ATP6V1B1: variants seen among roughly 807,000 people sequenced by gnomAD.
The protein encoded by ATP6V1B1 is ATPase H+ transporting V1 subunit B1.
Under a neutral mutation model 62.1 loss-of-function variants are expected in ATP6V1B1, and 41 were observed. The observed-to-expected ratio is 0.66, with a 90% confidence interval of 0.51 to 0.86. The LOEUF is 0.86. Among genes scored for constraint, ATP6V1B1 ranks in the 40% least tolerant of loss-of-function variants. The pLI is 0.00. For missense variants in ATP6V1B1, 651 were observed against 697.5 expected, an observed-to-expected ratio of 0.93 and a Z score of 0.75; for synonymous variants, 253 against 273.4, an observed-to-expected ratio of 0.93 and a Z score of 0.74.
intron 2 of ATP6V1B1, among the ~76,000 whole-genome samples, chr2:70,945,729 T>C (rs1188580619): frequency 7.3e-6 from 1 of 136,370 alleles, no homozygotes; most frequent in South Asian, 2.3e-4. Context: ...TATATATATA[T>C]ATATATATAT....
chr2:70,939,016 C>T (rs561571873), intron 1 of ATP6V1B1, among the ~76,000 whole-genome samples: 2 of 152,362 alleles, frequency 1.3e-5, no homozygotes, highest in South Asian at 2.1e-4. Context: ...AGCTTCCAGC[C>T]CCTGCCCTCC....
intron 1 of ATP6V1B1, chr2:70,938,840 C>A (rs1553415963): frequency 1.0e-6 from 1 of 974,062 alleles, no homozygotes; most frequent in East Asian, 1.1e-4. Context: ...GACAAGCTGG[C>A]AGCCTGGTTG....
Position 70,963,679 on chromosome 2 carries a change from C to T in ATP6V1B1, c.1143+25C>T. ...GGTACTGCCCTGTCCCTACCCACTT[C>T]CTGCTCTCAGCCCAGAGAAACACTG... On this transcript the variant is annotated intron_variant, in intron 11 of 13. Transcript: ENST00000234396. The surrounding 1 kb of genome is among the most constrained non-coding windows in gnomAD (Gnocchi z 4.3). 1 of 1,604,474 alleles carries T rather than the reference C, an allele frequency of 6.2e-7. No homozygotes were observed. Among genetic ancestry groups the T allele is most frequent in the South Asian group, 1.1e-5 (1 of 90,864 alleles).
At position 70,963,173 on chromosome 2, in the gene ATP6V1B1, T is replaced by C. The variant is rs1384848498; in HGVS notation, c.921T>C (p.Ala307=). 8 of 1,613,954 alleles carry C rather than the reference T, an allele frequency of 5.0e-6. No individual in the cohort carries two copies. The highest frequency in any genetic ancestry group is 6.8e-6 in the Non-Finnish European group (8 of 1,180,026). ...CATGGATATTGCAGGTCTCTGCTGC[T>C]AGAGAGGAGGTGCCTGGGCGCCGAG... ...YAEALREVSA[A]REEVPGRRGF... Residue 307 remains alanine, a synonymous_variant, in exon 10 of 14, where the codon GCT becomes GCC. Coordinates refer to ENST00000234396, the MANE Select transcript of ATP6V1B1 (RefSeq NM_001692.4). The surrounding 1 kb of genome is among the most constrained non-coding windows in gnomAD (Gnocchi z 4.3).
At chr2:70,954,475 T>TGACC (rs1680390347) in intron 2 of ATP6V1B1, among the ~76,000 whole-genome samples, 1 of 152,240 alleles carries the variant, frequency 6.6e-6, no homozygotes, top group Non-Finnish European at 1.5e-5. Context: ...CACAAAATCA[T>TGACC]GACCTCCTCA....
intron 1 of ATP6V1B1, among the ~76,000 whole-genome samples, chr2:70,943,187 TACACAC>T (rs3831677): frequency 6.6e-6 from 1 of 150,898 alleles, no homozygotes; most frequent in African/African-American, 2.4e-5. Flanking sequence ...ACACACCACA[TACACAC>T]ACACACACAC....
intron 8 of ATP6V1B1, among the ~76,000 whole-genome samples, chr2:70,962,006 C>A (rs201618133): frequency 3.3e-5 from 5 of 151,972 alleles, no homozygotes; most frequent in Non-Finnish European, 7.4e-5. Context: ...CCAAGAAGAT[C>A]AAACTGCTAT....
chr2:70,944,866 C>T (rs1553417064), intron 2 of ATP6V1B1, among the ~76,000 whole-genome samples: 1 of 152,050 alleles, frequency 6.6e-6, no homozygotes, highest in African/African-American at 2.4e-5. Context: ...ACGGGGTTTC[C>T]CCGTGTTAGC....
intron 2 of ATP6V1B1, among the ~76,000 whole-genome samples, chr2:70,953,381 T>C (rs1199800231): frequency 6.6e-6 from 1 of 152,224 alleles, no homozygotes; most frequent in African/African-American, 2.4e-5. Context: ...GGATGGGTTT[T>C]TTTGACTTTT....
chr2:70,952,098 T>G (rs567594050), intron 2 of ATP6V1B1, among the ~76,000 whole-genome samples: 6 of 152,272 alleles, frequency 3.9e-5, no homozygotes, highest in African/African-American at 1.4e-4. Flanking sequence ...GATGTTGATG[T>G]TGGTTTTGGT....
At position 70,960,897 on chromosome 2, in the gene ATP6V1B1, C is replaced by A. The variant is rs1553419921; in HGVS notation, c.586-24C>A. 2.5e-6 allele frequency: 4 copies of A among 1,593,136 alleles called. 1 individual carries two copies. The South Asian group carries it at 4.6e-5, about 18-fold the overall frequency. On this transcript the variant is annotated intron_variant, in intron 6 of 13. Coordinates refer to ENST00000234396, the MANE Select transcript of ATP6V1B1 (RefSeq NM_001692.4). ...GGGTCAGCTCCGACTCTGACGTCCT[C>A]CTGCCCAATCCACTCTGCCCTAGAT...
At position 70,942,054 on chromosome 2, in the gene ATP6V1B1, C is replaced by A. The variant is rs74473928; in HGVS notation, c.119-1604C>A. The A allele has an allele frequency of 2.3e-3, 2,641 of 1,135,588 alleles. 59 individuals are homozygous for A. In the African/African-American group the frequency reaches 0.038, roughly 17 times the overall value. 70.3% of individuals were successfully genotyped at this position (1,135,588 alleles called of 1,614,324 possible). Reference sequence around the variant, plus strand: ...TTATTTTGTACTGGAAACATCAGAGCTTCATGGGAAGACAAGAGAGGGAGA... The same window carrying A: ...TTATTTTGTACTGGAAACATCAGAGATTCATGGGAAGACAAGAGAGGGAGA... On this transcript the variant is annotated intron_variant, in intron 1 of 13. Transcript: ENST00000234396.
intron 4 of ATP6V1B1, 139 bp downstream of exon 4, chr2:70,958,565 G>A (rs957682353): frequency 8.3e-5 from 66 of 797,066 alleles, no homozygotes; most frequent in Non-Finnish European, 1.2e-4. Flanking sequence ...TTTGAGGTCT[G>A]GGGTATGTCT....
intron 2 of ATP6V1B1, chr2:70,944,022 G>A (rs1417788154): frequency 4.1e-6 from 4 of 985,416 alleles, no homozygotes; most frequent in South Asian, 4.7e-5. Flanking sequence ...TGGCATGGAC[G>A]TACCTAACCT....
At chr2:70,951,616 T>C (rs907452226) in intron 2 of ATP6V1B1, among the ~76,000 whole-genome samples, 3 of 152,094 alleles carry the variant, frequency 2.0e-5, no homozygotes, top group Non-Finnish European at 4.4e-5. Flanking sequence ...TTTAAAAAAA[T>C]AGAACACTCG....
At position 70,940,601 on chromosome 2, in the gene ATP6V1B1, C is replaced by G. The variant is rs531486044; in HGVS notation, c.119-3057C>G. On this transcript the variant is annotated intron_variant, in intron 1 of 13. Coordinates refer to ENST00000234396, the MANE Select transcript of ATP6V1B1 (RefSeq NM_001692.4). ...TTTTTAATTGATGGGAAGGGTAATG[C>G]CCAAGCCTCTGTCTCCTACCCTTTC... is the stretch of plus-strand genomic sequence containing the variant. 172 of 985,392 alleles carry G rather than the reference C, an allele frequency of 1.7e-4. 2 individuals are homozygous for G. In the South Asian group the frequency reaches 6.6e-3, roughly 38 times the overall value. The allele number at this position is 985,392 out of a possible 1,614,324, so 61.0% of individuals were successfully genotyped here.
rs1329865941 is a variant in ATP6V1B1, at chr2:70,963,632, A to G, written c.1121A>G (p.Asp374Gly). 37 of 1,614,074 alleles carry G rather than the reference A, an allele frequency of 2.3e-5. No homozygotes were observed. The highest frequency in any genetic ancestry group is 3.1e-5 in the Non-Finnish European group (36 of 1,180,024). ...GFITEGQIYV[D>G]RQLHNRQIYP... is the part of the protein sequence containing the mutation. ...ATCACAGAGGGACAGATCTACGTGG[A>G]CAGACAGCTTCACAACAGACAGGTA... is the stretch of plus-strand genomic sequence containing the variant. Residue 374 changes from aspartate (D) to glycine (G), a missense_variant, in exon 11 of 14, where the codon GAC becomes GGC. Physicochemically the swap from Asp to Gly is moderately conservative, Grantham distance 94. Transcript: ENST00000234396. This position sits in a 1 kb window ranked among gnomAD's most constrained non-coding sequence, Gnocchi z 4.3.
intron 2 of ATP6V1B1, among the ~76,000 whole-genome samples, chr2:70,945,701 G>GAT (rs35710919): frequency 0.041 from 3,351 of 82,156 alleles, 108 homozygotes; most frequent in Non-Finnish European, 0.046. Flanking sequence ...TATTTGAAGA[G>GAT]ATATATATAT....
In ATP6V1B1 at chr2:70,935,923, C is replaced by G. The variant is rs371198854; in HGVS notation, c.-32C>G. 5.0e-5 allele frequency: 79 copies of G among 1,591,658 alleles called. No homozygotes were observed. Among genetic ancestry groups the G allele is most frequent in the Non-Finnish European group, 5.4e-5 (63 of 1,162,484 alleles). On this transcript the variant is annotated 5_prime_UTR_variant, in exon 1 of 14. Coordinates refer to ENST00000234396, the MANE Select transcript of ATP6V1B1 (RefSeq NM_001692.4). ...TCAGAGCTGCCACCAGCAGCAGGCT[C>G]AGACACTGGGCTCCCAGCTGGGGAC...
Sources: gnomAD v4.1 joint callset for allele counts (sites outside exome capture counted in the v4.1 genomes callset) on GRCh38, gnomAD v4.1.1 for gene constraint, Gnocchi (gnomAD v3.1) non-coding constraint, MANE v1.5 for transcripts, NCBI Gene and HGNC (gene_info 2026-07-23, HGNC 2026-07-21) for gene names.